The following KITLG variants were observed in gnomAD, a reference collection of about 807,000 sequenced individuals.
KITLG encodes the protein c-Kit ligand.
Under a neutral mutation model 34.1 loss-of-function variants are expected in KITLG, and 13 were observed. That is an observed-to-expected ratio of 0.38 (90% CI 0.25 to 0.61). The LOEUF (loss-of-function observed/expected upper bound fraction) is 0.61. KITLG is among the 20% of genes least tolerant of loss of function. KITLG has a pLI of 0.60. For synonymous variants in KITLG, 110 were observed against 104.0 expected, an observed-to-expected ratio of 1.06 and a Z score of -0.35; for missense variants, 292 against 318.9, an observed-to-expected ratio of 0.92 and a Z score of 0.64.
chr12:88,550,717 G>A (rs1870881873), intron 1 of KITLG, among the ~76,000 whole-genome samples: 1 of 152,140 alleles, frequency 6.6e-6, no homozygotes, highest in Non-Finnish European at 1.5e-5. Flanking sequence ...CACTGTCCCA[G>A]AACTCCTGCA....
At chr12:88,570,649 T>A (rs1020836609) in intron 1 of KITLG, among the ~76,000 whole-genome samples, 2 of 152,206 alleles carry the variant, frequency 1.3e-5, no homozygotes, top group African/African-American at 4.8e-5. Context: ...TAGATTTAAA[T>A]AGGCTTGGCT....
chr12:88,516,601 A>T, intron 4 of KITLG, 111 bp from the exon 5 acceptor site: 1 of 678,474 alleles, frequency 1.5e-6, no homozygotes, highest in Non-Finnish European at 2.4e-6. Flanking sequence ...AGACTCTTAC[A>T]ACTAGCACTT....
At chr12:88,552,654 G>T (rs556160187) in intron 1 of KITLG, among the ~76,000 whole-genome samples, 1 of 151,904 alleles carries the variant, frequency 6.6e-6, no homozygotes, top group East Asian at 1.9e-4. Flanking sequence ...TTATTGGCCC[G>T]CACCCTTTAT....
At chr12:88,506,406 T>C (rs1333054057) in intron 7 of KITLG, 28 bp from the exon 8 acceptor site, 3 of 1,483,120 alleles carry the variant, frequency 2.0e-6, no homozygotes, top group Non-Finnish European at 2.8e-6. Flanking sequence ...ACATATACTG[T>C]AAAATAATCA....
chr12:88,553,239 C>T (rs1434075866), intron 1 of KITLG, among the ~76,000 whole-genome samples: 1 of 152,104 alleles, frequency 6.6e-6, no homozygotes, highest in African/African-American at 2.4e-5. Flanking sequence ...TGACATGTTC[C>T]AATATATCAA....
At chr12:88,562,656 T>C (rs1392841105) in intron 1 of KITLG, among the ~76,000 whole-genome samples, 2 of 152,260 alleles carry the variant, frequency 1.3e-5, no homozygotes, top group Non-Finnish European at 2.9e-5. Flanking sequence ...AGCTAAATGC[T>C]TCTCAGTTTG....
At chr12:88,571,937 T>C (rs1295094947) in intron 1 of KITLG, among the ~76,000 whole-genome samples, 1 of 152,148 alleles carries the variant, frequency 6.6e-6, no homozygotes, top group Non-Finnish European at 1.5e-5. Context: ...ATCTGTGAAA[T>C]GGGGTTTAAA....
chr12:88,575,344 A>T (rs965782339), intron 1 of KITLG, among the ~76,000 whole-genome samples: 7 of 152,224 alleles, frequency 4.6e-5, no homozygotes, highest in Non-Finnish European at 1.0e-4. Context: ...CATAAAGAAC[A>T]GTCTTCCTTT....
chr12:88,500,519 C>A (rs1868813513), intron 9 of KITLG, among the ~76,000 whole-genome samples: 1 of 152,162 alleles, frequency 6.6e-6, no homozygotes. Flanking sequence ...CATCAATGCA[C>A]CTGCTAGAGT....
At chr12:88,497,213 G>T (rs892152619) in intron 9 of KITLG, 32 bp from the exon 10 acceptor site, 11 of 417,724 alleles carry the variant, frequency 2.6e-5, no homozygotes, top group Middle Eastern at 3.4e-4. Context: ...AGAGATTATG[G>T]TGTATCTGCC....
chr12:88,520,046 A>C (rs1869600808), intron 3 of KITLG, among the ~76,000 whole-genome samples: 1 of 152,206 alleles, frequency 6.6e-6, no homozygotes, highest in Non-Finnish European at 1.5e-5. Context: ...GTAAGCCCCA[A>C]TTCCTGGAAC....
intron 1 of KITLG, among the ~76,000 whole-genome samples, chr12:88,568,410 T>C (rs1373261531): frequency 6.6e-6 from 1 of 152,128 alleles, no homozygotes; most frequent in Non-Finnish European, 1.5e-5. Flanking sequence ...TCCTCCTGCC[T>C]CTGTCTTCCA....
intron 3 of KITLG, among the ~76,000 whole-genome samples, chr12:88,521,725 A>G (rs1869671679): frequency 6.6e-6 from 1 of 152,148 alleles, no homozygotes; most frequent in Non-Finnish European, 1.5e-5. Flanking sequence ...GCCTGTATGT[A>G]TTGTTTCCAA....
chr12:88,493,505 T>C lies in KITLG; in HGVS notation c.*3714A>G, dbSNP rs1434367682. ...ACTCCACAAATGAGCTAATTAGAAT[T>C]TCAATCTGAATGGTTTTATTTTAAA... On this transcript the variant is annotated 3_prime_UTR_variant, in exon 10 of 10. Coordinates refer to ENST00000644744, the MANE Select transcript of KITLG (RefSeq NM_000899.5). The C allele has an allele frequency of 2.0e-5, 3 of 152,116 alleles. No homozygotes were observed. The highest frequency in any genetic ancestry group is 4.4e-5 in the Non-Finnish European group (3 of 67,866). The allele number at this position is 152,116 out of a possible 1,614,324, so 9.4% of individuals were successfully genotyped here.
intron 2 of KITLG, among the ~76,000 whole-genome samples, chr12:88,539,696 A>T (rs1870451935): frequency 6.6e-6 from 1 of 152,124 alleles, no homozygotes; most frequent in Admixed American, 6.6e-5. Context: ...CCAAGGTGAG[A>T]GGATTGCTTA....
At chr12:88,576,278 A>C (rs1262302997) in intron 1 of KITLG, among the ~76,000 whole-genome samples, 3 of 152,204 alleles carry the variant, frequency 2.0e-5, no homozygotes, top group Admixed American at 6.5e-5. Context: ...TCCTGGATTG[A>C]TGTGTCTTAA....
chr12:88,577,016 T>C (rs1046965005), intron 1 of KITLG, among the ~76,000 whole-genome samples: 10 of 152,208 alleles, frequency 6.6e-5, no homozygotes, highest in African/African-American at 1.9e-4. Flanking sequence ...CCTTGTTTTA[T>C]GTTAAATGTA....
chr12:88,577,592 A>G lies in KITLG; in HGVS notation c.15+2672T>C, dbSNP rs1338789241. On this transcript the variant is annotated intron_variant, in intron 1 of 9. Coordinates refer to ENST00000644744, the MANE Select transcript of KITLG (RefSeq NM_000899.5). ...TTTTTTCTAAGCCCAAGCCACAAAC[A>G]CCTCTAGAAAACTGTAAAACCACAC... is the stretch of plus-strand genomic sequence containing the variant. 7.2e-5 allele frequency among the ~76,000 whole-genome samples: 11 copies of G among 152,192 alleles called. No homozygotes were observed. The South Asian group carries it at 2.1e-3, about 29-fold the overall frequency.
At chr12:88,530,213 T>G (rs1258234619) in intron 3 of KITLG, among the ~76,000 whole-genome samples, 1 of 152,150 alleles carries the variant, frequency 6.6e-6, no homozygotes, top group Non-Finnish European at 1.5e-5. Context: ...AGGCTTCCCT[T>G]CAAACACTTT....
Sources: allele counts gnomAD v4.1 joint callset (sites outside exome capture counted in the v4.1 genomes callset), GRCh38; gene constraint gnomAD v4.1.1; transcripts MANE v1.5; gene names NCBI Gene and HGNC (gene_info 2026-07-23, HGNC 2026-07-21).